The following METTL4 variants were observed in gnomAD, a reference collection of about 807,000 sequenced individuals.
METTL4 encodes the protein N(6)-adenine-specific methyltransferase METTL4.
In METTL4, 40 loss-of-function variants were observed where a neutral mutation model predicts 54.0. That is an observed-to-expected ratio of 0.74 (90% CI 0.58 to 0.96). The LOEUF (loss-of-function observed/expected upper bound fraction) is 0.96, where lower values mean the gene tolerates loss of function less well. Among genes scored for constraint, METTL4 ranks in the 50% least tolerant of loss-of-function variants. The pLI is 0.00. For missense variants in METTL4, 525 were observed against 549.0 expected (o/e 0.96, Z 0.44); for synonymous variants, 169 against 183.8 (o/e 0.92, Z 0.65).
At chr18:2,558,723 T>C (rs953760457) in intron 3 of METTL4, among the ~76,000 whole-genome samples, 1 of 152,012 alleles carries the variant, frequency 6.6e-6, no homozygotes, top group Non-Finnish European at 1.5e-5. Context: ...TTGTAAATCA[T>C]ATATCTGATA....
chr18:2,564,149 A>G lies in METTL4; in HGVS notation c.397-290T>C, dbSNP rs184057993. On this transcript the variant is annotated intron_variant, in intron 2 of 8. Transcript: ENST00000574538. Reference sequence around the variant, plus strand: ...CCGGGCACGGTGGCTCACGCCTGTAATCCCAGCACTTTGGGAGGCCAAGGC... The same window carrying G: ...CCGGGCACGGTGGCTCACGCCTGTAGTCCCAGCACTTTGGGAGGCCAAGGC... Among the ~76,000 whole-genome samples the G allele has an allele frequency of 5.8e-3, 884 of 152,168 alleles. 25 individuals carry two copies. Among genetic ancestry groups the G allele is most frequent in the Admixed American group, 0.054 (830 of 15,282 alleles).
intron 2 of METTL4, among the ~76,000 whole-genome samples, chr18:2,566,364 C>T (rs1187788963): frequency 6.6e-6 from 1 of 152,106 alleles, no homozygotes; most frequent in Non-Finnish European, 1.5e-5. Context: ...TTCTTACAAA[C>T]TTTTATTACG....
intron 2 of METTL4, 150 bp from the exon 3 acceptor site, chr18:2,564,009 G>A: frequency 5.8e-6 from 3 of 517,108 alleles, no homozygotes; most frequent in South Asian, 3.3e-5. Flanking sequence ...CAATGCAAAG[G>A]GTATGGAGTG....
At chr18:2,547,800 A>T (rs2644173) in intron 5 of METTL4, among the ~76,000 whole-genome samples, 149,096 of 152,204 alleles carry the variant, frequency 0.98, 73,093 homozygotes, top group East Asian at 1. Context: ...TTTTACTATT[A>T]ACAATATTTT....
At chr18:2,556,998 T>G (rs2072248457) in intron 3 of METTL4, among the ~76,000 whole-genome samples, 1 of 152,020 alleles carries the variant, frequency 6.6e-6, no homozygotes, top group Non-Finnish European at 1.5e-5. Context: ...TTTTAAAACA[T>G]TAGGCAAGGA....
chr18:2,555,108 A>T, intron 3 of METTL4, 70 bp from the exon 4 acceptor site: 3 of 1,428,852 alleles, frequency 2.1e-6, no homozygotes, highest in Non-Finnish European at 2.9e-6. Context: ...TGCTTTGAAT[A>T]TCTGAGTTTA....
chr18:2,563,333 G>A (rs2072350447), intron 3 of METTL4, among the ~76,000 whole-genome samples: 2 of 152,152 alleles, frequency 1.3e-5, no homozygotes, highest in Non-Finnish European at 2.9e-5. Flanking sequence ...GCTCACTCCT[G>A]TAAAATCCTA....
chr18:2,563,600 C>CAG (rs71365183), intron 3 of METTL4, among the ~76,000 whole-genome samples, 197 bp downstream of exon 3: 6 of 97,852 alleles, frequency 6.1e-5, no homozygotes, highest in African/African-American at 2.5e-4. Context: ...GACTCTGCCT[C>CAG]AAAAAAAAAA....
At chr18:2,548,382 C>T (rs551904810) in intron 5 of METTL4, among the ~76,000 whole-genome samples, 208 of 151,996 alleles carry the variant, frequency 1.4e-3, no homozygotes, top group Non-Finnish European at 2.6e-3. Flanking sequence ...AAAAAAAAAC[C>T]CTGTTCTCTT....
chr18:2,549,347 A>T (rs2072117713), intron 5 of METTL4, among the ~76,000 whole-genome samples: 2 of 152,102 alleles, frequency 1.3e-5, no homozygotes, highest in African/African-American at 4.8e-5. Flanking sequence ...ATCCTATCTC[A>T]TTTGAAAAGA....
chr18:2,559,682 C>A (rs1272457890), intron 3 of METTL4, among the ~76,000 whole-genome samples: 1 of 152,138 alleles, frequency 6.6e-6, no homozygotes, highest in Non-Finnish European at 1.5e-5. Flanking sequence ...CATAAGATAA[C>A]ATGACTTCAT....
rs781667964 is a variant in METTL4 at position 2,563,867 on chromosome 18, G to A, written c.397-8C>T. On this transcript the variant is annotated splice_polypyrimidine_tract_variant and splice_region_variant and intron_variant, in intron 2 of 8. Coordinates refer to ENST00000574538, the MANE Select transcript of METTL4 (RefSeq NM_022840.5). ...AACACATCTTTTACGCTTCTAAAGG[G>A]TAGATCAATTACAGGGGAAAAGTTA... 6.2e-7 allele frequency: 1 copy of A among 1,600,470 alleles called. No individual in the cohort carries two copies. Among genetic ancestry groups the A allele is most frequent in the Non-Finnish European group, 8.5e-7 (1 of 1,173,522 alleles).
At chr18:2,563,902 T>A in intron 2 of METTL4, 43 bp from the exon 3 acceptor site, 2 of 1,464,394 alleles carry the variant, frequency 1.4e-6, no homozygotes, top group Non-Finnish European at 1.9e-6. Context: ...ATGTTGCCAT[T>A]AATATTTTGC....
At chr18:2,540,727 T>C in intron 8 of METTL4, 10 of 985,434 alleles carry the variant, frequency 1.0e-5, no homozygotes, top group Non-Finnish European at 1.2e-5. Context: ...GAAGAACTTT[T>C]CCATTTTCTT....
At chr18:2,540,472 A>T (rs1220341415) in intron 8 of METTL4, 1 of 984,560 alleles carries the variant, frequency 1.0e-6, no homozygotes, top group Non-Finnish European at 1.2e-6. Context: ...CATGTTCTTC[A>T]GTTGCTCTCA....
At chr18:2,565,971 CG>C (rs1406639671) in intron 2 of METTL4, among the ~76,000 whole-genome samples, 1 of 151,016 alleles carries the variant, frequency 6.6e-6, no homozygotes, top group African/African-American at 2.4e-5. Context: ...GGCGTGAACC[CG>C]GGAGGCGGAG....
intron 3 of METTL4, 112 bp from the exon 4 acceptor site, chr18:2,555,150 GT>G: frequency 9.1e-7 from 1 of 1,094,404 alleles, no homozygotes; most frequent in South Asian, 1.4e-5. Context: ...AACACTTACA[GT>G]AAAATAATTC....
intron 5 of METTL4, among the ~76,000 whole-genome samples, chr18:2,550,751 A>G (rs1445700408): frequency 6.6e-6 from 1 of 152,262 alleles, no homozygotes; most frequent in Non-Finnish European, 1.5e-5. Context: ...GTCAAAAGAT[A>G]CTGAAGAAGT....
intron 2 of METTL4, 90 bp from the exon 3 acceptor site, chr18:2,563,949 CTAA>C (rs1373137709): frequency 9.6e-6 from 7 of 730,494 alleles, no homozygotes; most frequent in Non-Finnish European, 1.6e-5. Flanking sequence ...TTATATCTGT[CTAA>C]TAATAATTAA....
Sources: gnomAD v4.1 joint callset for allele counts (sites outside exome capture counted in the v4.1 genomes callset) on GRCh38, gnomAD v4.1.1 for gene constraint, MANE v1.5 for transcripts, NCBI Gene and HGNC (gene_info 2026-07-23, HGNC 2026-07-21) for gene names.